Variants in RPL30 observed in about 807,000 individuals in gnomAD.
The protein encoded by RPL30 is large ribosomal subunit protein eL30.
For synonymous variants in RPL30, 40 were observed against 50.4 expected (o/e 0.79, Z 0.87); for missense variants, 60 against 138.0 (o/e 0.43, Z 2.83).
rs904515958 is a variant in RPL30 at position 98,045,390 on chromosome 8, G to T, written c.-23C>A. Reference sequence around the variant, plus strand: ...CATCTTCCTGCCTTAGGAGCGGGACGGCCCCCAACCTAGAAGAGACAGAGA... The same window carrying T: ...CATCTTCCTGCCTTAGGAGCGGGACTGCCCCCAACCTAGAAGAGACAGAGA... On this transcript the variant is annotated 5_prime_UTR_variant, in exon 2 of 5. Transcript: ENST00000287038. The T allele has an allele frequency of 6.2e-7, 1 of 1,614,100 alleles. No individual in the cohort carries two copies. The highest frequency in any genetic ancestry group is 1.3e-5 in the African/African-American group (1 of 75,028).
chr8:98,044,879 A>G (rs1346480082), intron 3 of RPL30, 64 bp downstream of exon 3: 1 of 1,519,040 alleles, frequency 6.6e-7, no homozygotes, highest in Non-Finnish European at 9.0e-7. Context: ...ACAAGTTTAC[A>G]CTCCTGTATA....
At chr8:98,043,431 CTT>C (rs533167121) in intron 3 of RPL30, 8 of 138,608 alleles carry the variant, frequency 5.8e-5, no homozygotes, top group East Asian at 2.1e-4. Flanking sequence ...CAGCCCTATT[CTT>C]TTTTTTTTTT....
In RPL30 at chr8:98,041,787, G is replaced by A. The variant is rs766263100; in HGVS notation, c.*14C>T. 20 of 1,579,930 alleles carry A rather than the reference G, an allele frequency of 1.3e-5. No homozygotes were observed. Among genetic ancestry groups the A allele is most frequent in the Admixed American group, 1.8e-5 (1 of 55,050 alleles). On this transcript the variant is annotated 3_prime_UTR_variant, in exon 5 of 5. Transcript: ENST00000287038. Reference sequence around the variant, plus strand: ...GTTTAAGGTTTGCAGGTGAAATTTTGTAGGTGAAAAGGTTTACTTTTCACC... The same window carrying A: ...GTTTAAGGTTTGCAGGTGAAATTTTATAGGTGAAAAGGTTTACTTTTCACC...
chr8:98,042,897 T>C (rs1249893549), intron 3 of RPL30, 122 bp from the exon 4 acceptor site: 1 of 877,886 alleles, frequency 1.1e-6, no homozygotes, highest in African/African-American at 1.7e-5. Flanking sequence ...CAAAATCACA[T>C]ATTACTCTTA....
chr8:98,044,033 C>T (rs1042210921), intron 3 of RPL30: 2 of 152,264 alleles, frequency 1.3e-5, no homozygotes, highest in Non-Finnish European at 2.9e-5. Context: ...TTGCTTGAAC[C>T]TGGGAGGCAG....
intron 3 of RPL30, chr8:98,043,004 G>A: frequency 2.5e-6 from 1 of 392,438 alleles, no homozygotes; most frequent in Non-Finnish European, 4.6e-6. Flanking sequence ...CCCCTACTAT[G>A]TTTAAGACAG....
At chr8:98,044,494 G>C (rs1289132218) in intron 3 of RPL30, 1 of 160,434 alleles carries the variant, frequency 6.2e-6, no homozygotes, top group Non-Finnish European at 1.4e-5. Context: ...ACTCAGAACT[G>C]ATTTAGCGGG....
At position 98,041,755 on chromosome 8, in the gene RPL30, T is replaced by A; in HGVS notation, c.*46A>T. 7.6e-7 allele frequency: 1 copy of A among 1,313,876 alleles called. No homozygotes were observed. Among genetic ancestry groups the A allele is most frequent in the African/African-American group, 1.5e-5 (1 of 67,584 alleles). The allele number at this position is 1,313,876 out of a possible 1,614,324, so 81.4% of individuals were successfully genotyped here. On this transcript the variant is annotated 3_prime_UTR_variant, in exon 5 of 5. Transcript: ENST00000287038. Reference sequence around the variant, plus strand: ...CAAGCAAATTTTATTAAAGGAAAATTTTGCAGGTTTAAGGTTTGCAGGTGA... The same window carrying A: ...CAAGCAAATTTTATTAAAGGAAAATATTGCAGGTTTAAGGTTTGCAGGTGA...
Position 98,045,409 on chromosome 8 carries a change from A to T in RPL30, c.-32-10T>A. 6.2e-7 allele frequency: 1 copy of T among 1,613,360 alleles called. No individual in the cohort carries two copies. Among genetic ancestry groups the T allele is most frequent in the Non-Finnish European group, 8.5e-7 (1 of 1,179,378 alleles). On this transcript the variant is annotated splice_polypyrimidine_tract_variant and intron_variant, in intron 1 of 4. Coordinates refer to ENST00000287038, the MANE Select transcript of RPL30 (RefSeq NM_000989.4). ...CGGGACGGCCCCCAACCTAGAAGAG[A>T]CAGAGAACAGGACAGGAATTTTAGG...
chr8:98,041,765 TAAG>T lies in RPL30; in HGVS notation c.*33_*35del. The stretch of plus-strand genomic sequence containing the variant: ...TTATTAAAGGAAAATTTTGCAGGTT[TAAG>T]GTTTGCAGGTGAAATTTTGTAGGTG... On this transcript the variant is annotated 3_prime_UTR_variant, in exon 5 of 5. Transcript: ENST00000287038. The T allele has an allele frequency of 1.3e-6, 2 of 1,502,914 alleles. No individual in the cohort carries two copies. Among genetic ancestry groups the T allele is most frequent in the Non-Finnish European group, 1.8e-6 (2 of 1,093,478 alleles). The allele number at this position is 1,502,914 out of a possible 1,614,324, so 93.1% of individuals were successfully genotyped here. A position where few individuals can be genotyped will look rare whatever the true frequency, so the allele number is the denominator to read the frequency against.
Position 98,041,807 on chromosome 8 carries a change from T to C in RPL30, c.342A>G (p.Glu114=), listed in dbSNP as rs1407501497. 1 of 1,600,276 alleles carries C rather than the reference T, an allele frequency of 6.2e-7. No homozygotes were observed. Among genetic ancestry groups the C allele is most frequent in the East Asian group, 2.2e-5 (1 of 44,704 alleles). Residue 114 remains glutamate (E), a synonymous_variant, in exon 5 of 5, where the codon GAA becomes GAG. Coordinates refer to ENST00000287038, the MANE Select transcript of RPL30 (RefSeq NM_000989.4). The part of the protein sequence containing the change: ...IIRSMPEQTG[E]K ...ATTTTGTAGGTGAAAAGGTTTACTT[T>C]TCACCAGTCTGTTCTGGCATGCTTC...
intron 3 of RPL30, 98 bp from the exon 4 acceptor site, chr8:98,042,873 C>A: frequency 8.3e-7 from 1 of 1,208,768 alleles, no homozygotes; most frequent in Non-Finnish European, 1.1e-6. Context: ...GTTGTTAAGG[C>A]CTTCAAAAAG....
intron 3 of RPL30, 121 bp downstream of exon 3, chr8:98,044,822 G>A: frequency 8.8e-7 from 1 of 1,136,212 alleles, no homozygotes; most frequent in South Asian, 1.5e-5. Flanking sequence ...CACCACAATC[G>A]CTACCGTAAT....
At chr8:98,044,909 C>T (rs374135997) in intron 3 of RPL30, 34 bp downstream of exon 3, 9 of 1,602,802 alleles carry the variant, frequency 5.6e-6, no homozygotes, top group Non-Finnish European at 7.7e-6. Flanking sequence ...GATGAATTCG[C>T]GGTAGGCGAA....
At chr8:98,041,963 A>G (rs2130479570) in intron 4 of RPL30, 113 bp from the exon 5 acceptor site, 2 of 816,706 alleles carry the variant, frequency 2.4e-6, no homozygotes, top group Non-Finnish European at 2.0e-6. Flanking sequence ...TCTGCAAATT[A>G]GCACTGACTT....
chr8:98,041,902 C>G, intron 4 of RPL30, 52 bp from the exon 5 acceptor site: 2 of 1,268,934 alleles, frequency 1.6e-6, no homozygotes, highest in South Asian at 1.3e-5. Context: ...TTAATAGCAA[C>G]TGGTACCATA....
intron 4 of RPL30, chr8:98,042,274 A>C: frequency 6.0e-6 from 3 of 496,092 alleles, no homozygotes; most frequent in South Asian, 1.6e-5. Flanking sequence ...ATTTTTTGGC[A>C]CTTTTTTTTT....
chr8:98,042,406 C>G (rs984335894), intron 4 of RPL30: 2 of 464,170 alleles, frequency 4.3e-6, no homozygotes, highest in African/African-American at 4.0e-5. Flanking sequence ...TTCATAGGTA[C>G]TTCATCAAAT....
chr8:98,043,078 G>T, intron 3 of RPL30: 1 of 200,668 alleles, frequency 5.0e-6, no homozygotes. Flanking sequence ...TCTAGCATTA[G>T]TAAGGACCAC....
Sources: allele counts gnomAD v4.1 joint callset, GRCh38; gene constraint gnomAD v4.1.1; transcripts MANE v1.5; gene names NCBI Gene and HGNC (gene_info 2026-07-23, HGNC 2026-07-21).